The following DENND11 variants were observed in gnomAD, a reference collection of about 807,000 sequenced individuals.
The protein encoded by DENND11 is DENN domain containing 11, also known as DENN domain-containing protein 11.
Under a neutral mutation model 49.2 loss-of-function variants are expected in DENND11, and 34 were observed. The ratio of observed to expected loss-of-function variants is 0.69; its 90% CI spans 0.53 to 0.92. DENND11 has a LOEUF of 0.92. Among genes scored for constraint, DENND11 ranks in the 40% least tolerant of loss-of-function variants. The probability of loss-of-function intolerance (pLI) is 0.00; values close to 1 mark genes in which losing one functional copy is unlikely to be tolerated. For missense variants in DENND11, 475 were observed against 581.6 expected (o/e 0.82, Z 1.88); for synonymous variants, 238 against 230.3 (o/e 1.03, Z -0.30).
At chr7:141,687,328 C>T (rs1798258160) in intron 1 of DENND11, among the ~76,000 whole-genome samples, 1 of 152,158 alleles carries the variant, frequency 6.6e-6, no homozygotes, top group African/African-American at 2.4e-5. Context: ...TATTCAGTTT[C>T]TCCTGAGCTA....
At chr7:141,687,631 A>ACTTTTTTTTTTTTTTTTTTTTTTT (rs1554410465) in intron 1 of DENND11, among the ~76,000 whole-genome samples, 1 of 112,826 alleles carries the variant, frequency 8.9e-6, no homozygotes, top group African/African-American at 3.3e-5. Context: ...CACTCGGCTA[A>ACTTTTTTTTTTTTTTTTTTTTTTT]TTTTTTTTTT....
At chr7:141,698,287 C>T (rs1798447890) in intron 1 of DENND11, among the ~76,000 whole-genome samples, 1 of 152,194 alleles carries the variant, frequency 6.6e-6, no homozygotes, top group Admixed American at 6.5e-5. Context: ...AGACTAAGAA[C>T]ATTTTACTAG....
chr7:141,657,224 T>C lies in DENND11; in HGVS notation c.*5432A>G, dbSNP rs1174756813. The C allele has an allele frequency of 6.6e-6, 1 of 152,518 alleles. No individual in the cohort carries two copies. The highest frequency in any genetic ancestry group is 1.9e-4 in the East Asian group (1 of 5,206). 9.4% of individuals were successfully genotyped at this position (152,518 alleles called of 1,614,324 possible). On this transcript the variant is annotated 3_prime_UTR_variant, in exon 9 of 9. Transcript: ENST00000536163. The stretch of plus-strand genomic sequence containing the variant: ...TATTTTCCCGGACCTATACAAAAAT[T>C]CAGTCAACAAGTTTTGGGTAAATAA...
At chr7:141,686,505 A>G in intron 2 of DENND11, 54 bp downstream of exon 2, 1 of 1,135,128 alleles carries the variant, frequency 8.8e-7, no homozygotes, top group Non-Finnish European at 1.3e-6. Context: ...CTTTGGGGAA[A>G]GTGTGGAGGT....
At chr7:141,692,657 T>C (rs576462630) in intron 1 of DENND11, among the ~76,000 whole-genome samples, 1 of 151,942 alleles carries the variant, frequency 6.6e-6, no homozygotes, top group East Asian at 1.9e-4. Flanking sequence ...CTAGGCAACA[T>C]AGCGAGACCC....
chr7:141,662,599 T>G lies in DENND11; in HGVS notation c.*57A>C. On this transcript the variant is annotated 3_prime_UTR_variant, in exon 9 of 9. Transcript: ENST00000536163. ...AATGAGGCCCTCTGGGGCCCTGGGG[T>G]GAACTCCGGGCTGCTGACATCCCAC... The G allele has an allele frequency of 7.5e-7, 1 of 1,338,710 alleles. No individual in the cohort carries two copies. The highest frequency in any genetic ancestry group is 2.7e-5 in the Admixed American group (1 of 36,428). The allele number at this position is 1,338,710 out of a possible 1,614,324, so 82.9% of individuals were successfully genotyped here. A position where few individuals can be genotyped will look rare whatever the true frequency, so the allele number is the denominator to read the frequency against.
intron 4 of DENND11, among the ~76,000 whole-genome samples, chr7:141,669,244 G>GTTT (rs36043478): frequency 1.7e-4 from 23 of 133,768 alleles, no homozygotes; most frequent in Non-Finnish European, 2.6e-4. Flanking sequence ...CTTCTTTAAA[G>GTTT]TTTTTTTTTT....
At chr7:141,680,331 C>T (rs1563000665) in intron 3 of DENND11, among the ~76,000 whole-genome samples, 1 of 151,922 alleles carries the variant, frequency 6.6e-6, no homozygotes, top group African/African-American at 2.4e-5. Flanking sequence ...AAAAGGGAGA[C>T]AGTAAGAATA....
At chr7:141,698,339 T>G (rs982973774) in intron 1 of DENND11, among the ~76,000 whole-genome samples, 35 of 152,336 alleles carry the variant, frequency 2.3e-4, no homozygotes, top group African/African-American at 7.9e-4. Flanking sequence ...AGGCTCTAAA[T>G]CATGGGGTTG....
chr7:141,698,953 G>A (rs1798459849), intron 1 of DENND11, among the ~76,000 whole-genome samples: 1 of 151,130 alleles, frequency 6.6e-6, no homozygotes, highest in South Asian at 2.1e-4. Context: ...GCGGAGGGTT[G>A]AGGTGGGTGT....
intron 1 of DENND11, among the ~76,000 whole-genome samples, chr7:141,700,477 GAAAA>G (rs201716585): frequency 8.5e-6 from 1 of 117,608 alleles, no homozygotes; most frequent in Admixed American, 9.0e-5. Flanking sequence ...GACACTGTCT[GAAAA>G]AAAAAAAAAA....
intron 2 of DENND11, 53 bp from the exon 3 acceptor site, chr7:141,685,689 A>G (rs934870567): frequency 1.3e-6 from 2 of 1,580,514 alleles, no homozygotes; most frequent in African/African-American, 2.7e-5. Context: ...GAATTTTGAG[A>G]TGCAATCCTA....
intron 3 of DENND11, among the ~76,000 whole-genome samples, chr7:141,679,325 C>T (rs1798112959): frequency 2.0e-5 from 3 of 152,012 alleles, no homozygotes; most frequent in Admixed American, 2.0e-4. Flanking sequence ...GACAAGAAGG[C>T]AATGTTAAAA....
At chr7:141,668,065 G>A (rs1363966660) in intron 4 of DENND11, among the ~76,000 whole-genome samples, 4 of 152,198 alleles carry the variant, frequency 2.6e-5, no homozygotes, top group African/African-American at 9.6e-5. Context: ...CTTTCCCACT[G>A]GTTATCTTCA....
chr7:141,685,558 C>T lies in DENND11; in HGVS notation c.447G>A (p.Ala149=), dbSNP rs377085207. Residue 149 remains alanine, a synonymous_variant, in exon 3 of 9, where the codon GCG becomes GCA. Transcript: ENST00000536163. ...AGAGGATGCCCACAGACTTCATCCG[C>T]GCGCCACGTTCCAGCTCGCTCTCCA... The part of the protein sequence containing the change: ...MPVESELERG[A]RMKSVGILSP... The T allele has an allele frequency of 7.9e-5, 127 of 1,613,858 alleles. 1 individual carries two copies. The highest frequency in any genetic ancestry group is 9.2e-5 in the Non-Finnish European group (108 of 1,179,902).
chr7:141,676,314 A>G (rs370564801), intron 3 of DENND11, among the ~76,000 whole-genome samples: 1 of 152,170 alleles, frequency 6.6e-6, no homozygotes, highest in African/African-American at 2.4e-5. Flanking sequence ...TATATTTTTA[A>G]TACTACATTT....
At position 141,701,784 on chromosome 7, in the gene DENND11, C is replaced by T. The variant is rs796855189; in HGVS notation, c.268+102G>A. On this transcript the variant is annotated intron_variant, in intron 1 of 8. Coordinates refer to ENST00000536163, the MANE Select transcript of DENND11 (RefSeq NM_001080392.2). ...GCCGGCCCTGGTGCGGGGTGCGGGGCCGGGAGGGCAGGTGCGCGCGCAGCG... is the reference window on the plus strand; with the variant it reads ...GCCGGCCCTGGTGCGGGGTGCGGGGTCGGGAGGGCAGGTGCGCGCGCAGCG... 64 of 976,628 alleles carry T rather than the reference C, an allele frequency of 6.6e-5. No homozygotes were observed. The South Asian group carries it at 1.6e-3, about 24-fold the overall frequency. The allele number at this position is 976,628 out of a possible 1,614,324, so 60.5% of individuals were successfully genotyped here. A position where few individuals can be genotyped will look rare whatever the true frequency, so the allele number is the denominator to read the frequency against.
chr7:141,669,094 TCCC>T (rs913190420), intron 4 of DENND11, among the ~76,000 whole-genome samples: 2 of 150,938 alleles, frequency 1.3e-5, no homozygotes, highest in South Asian at 2.1e-4. Flanking sequence ...CCTCTCCCAC[TCCC>T]CCATTTTCCT....
intron 4 of DENND11, 61 bp downstream of exon 4, chr7:141,674,006 A>G: frequency 6.5e-7 from 1 of 1,540,440 alleles, no homozygotes; most frequent in Non-Finnish European, 8.8e-7. Flanking sequence ...AAAAGTAATC[A>G]ACAGCTACTA....
Sources: gnomAD v4.1 joint callset for allele counts (sites outside exome capture counted in the v4.1 genomes callset) on GRCh38, gnomAD v4.1.1 for gene constraint, MANE v1.5 for transcripts, NCBI Gene and HGNC (gene_info 2026-07-23, HGNC 2026-07-21) for gene names.